The following HELQ variants were observed in gnomAD, a reference collection of about 807,000 sequenced individuals.
HELQ encodes helicase POLQ-like.
In HELQ, 77 loss-of-function variants were observed where a neutral mutation model predicts 111.6. The observed-to-expected ratio is 0.69, with a 90% CI of 0.57 to 0.83. The LOEUF is 0.83. Among genes scored for constraint, HELQ ranks in the 40% least tolerant of loss-of-function variants. The pLI, the probability that HELQ is intolerant of heterozygous loss-of-function variation, is 0.00. For missense variants in HELQ, 1,200 were observed against 1,288.5 expected (o/e 0.93, Z 1.05); for synonymous variants, 438 against 454.7 (o/e 0.96, Z 0.47).
chr4:83,424,162 A>G (rs1389846452), intron 14 of HELQ, among the ~76,000 whole-genome samples: 2 of 152,206 alleles, frequency 1.3e-5, no homozygotes, highest in Non-Finnish European at 2.9e-5. Context: ...ACTATATTAC[A>G]TTAAATGTAA....
chr4:83,450,882 C>T (rs967432368), intron 2 of HELQ, among the ~76,000 whole-genome samples: 7 of 152,096 alleles, frequency 4.6e-5, no homozygotes, highest in Admixed American at 3.3e-4. Flanking sequence ...GGGAGGATTG[C>T]TTGAGCCTGG....
intron 8 of HELQ, 97 bp from the exon 9 acceptor site, chr4:83,437,194 T>C: frequency 8.8e-7 from 1 of 1,140,958 alleles, no homozygotes; most frequent in Non-Finnish European, 1.3e-6. Flanking sequence ...AAACATTCTT[T>C]AATGTACTAT....
At chr4:83,416,287 C>T (rs935473128) in intron 17 of HELQ, among the ~76,000 whole-genome samples, 2 of 151,708 alleles carry the variant, frequency 1.3e-5, no homozygotes, top group African/African-American at 4.8e-5. Context: ...AATCTGTCAT[C>T]CTAGCTCAGT....
Position 83,436,868 on chromosome 4 carries a change from G to C in HELQ, c.2038C>G (p.Pro680Ala). ...TTACTTATCTCTTACCTTCGAGCTGGTAGGTTGACACCTGCCGCTAGGGTA... is the reference window on the plus strand; with the variant it reads ...TTACTTATCTCTTACCTTCGAGCTGCTAGGTTGACACCTGCCGCTAGGGTA... Reference protein sequence around the residue: ...TSTLAAGVNLPARRVILRAPY... With the variant: ...TSTLAAGVNLAARRVILRAPY... The change falls in exon 9 of 18, where the codon CCA becomes GCA. Residue 680 changes from proline to alanine, a missense_variant. Physicochemically the swap from Pro to Ala is conservative, Grantham distance 27 (BLOSUM62 -1). Coordinates refer to ENST00000295488, the MANE Select transcript of HELQ (RefSeq NM_133636.5). The C allele has an allele frequency of 6.2e-7, 1 of 1,613,336 alleles. No homozygotes were observed. The highest frequency in any genetic ancestry group is 8.5e-7 in the Non-Finnish European group (1 of 1,179,646).
At chr4:83,416,324 G>C (rs566359982) in intron 17 of HELQ, among the ~76,000 whole-genome samples, 5 of 151,818 alleles carry the variant, frequency 3.3e-5, no homozygotes, top group Admixed American at 6.6e-5. Context: ...GGGCTCAAGC[G>C]ATCCTCTTGC....
chr4:83,446,268 G>A (rs1391424448), intron 4 of HELQ, among the ~76,000 whole-genome samples, 182 bp from the exon 5 acceptor site: 1 of 151,996 alleles, frequency 6.6e-6, no homozygotes, highest in Non-Finnish European at 1.5e-5. Context: ...TGAGCTTTTG[G>A]TACAAAATCC....
intron 2 of HELQ, among the ~76,000 whole-genome samples, chr4:83,450,501 T>C (rs578210579): frequency 6.6e-6 from 1 of 152,116 alleles, no homozygotes; most frequent in Admixed American, 6.5e-5. Flanking sequence ...TTAAATTTAA[T>C]ATTCAATAAA....
intron 1 of HELQ, 135 bp from the exon 2 acceptor site, chr4:83,454,080 T>G: frequency 1.5e-6 from 1 of 652,698 alleles, no homozygotes; most frequent in Non-Finnish European, 2.7e-6. Context: ...GGCATGCTCC[T>G]GTAATCCCAG....
Position 83,446,791 on chromosome 4 carries a change from T to C in HELQ, c.1392+44A>G, listed in dbSNP as rs377129221. ...CACAATAACCAGAATAATAAATATT[T>C]AGTATAATAAAAATATTGACAAATT... is the stretch of plus-strand genomic sequence containing the variant. On this transcript the variant is annotated intron_variant, in intron 4 of 17. Transcript: ENST00000295488. 4.3e-6 allele frequency: 5 copies of C among 1,149,474 alleles called. No homozygotes were observed. The African/African-American group carries it at 7.8e-5, about 18-fold the overall frequency. 71.2% of individuals were successfully genotyped at this position (1,149,474 alleles called of 1,614,324 possible). A position where few individuals can be genotyped will look rare whatever the true frequency, so the allele number is the denominator to read the frequency against.
chr4:83,428,364 C>T (rs577416852), intron 12 of HELQ, among the ~76,000 whole-genome samples: 56 of 151,644 alleles, frequency 3.7e-4, no homozygotes, highest in Non-Finnish European at 6.6e-4. Flanking sequence ...AAAAAAGCCT[C>T]AGCCTGGGCA....
chr4:83,425,668 T>C (rs1230696611), intron 14 of HELQ, among the ~76,000 whole-genome samples: 1 of 152,188 alleles, frequency 6.6e-6, no homozygotes, highest in Non-Finnish European at 1.5e-5. Context: ...TGATACCAAA[T>C]AGAAAGCCTA....
chr4:83,444,909 G>A (rs1020091376), intron 5 of HELQ, among the ~76,000 whole-genome samples: 5 of 152,182 alleles, frequency 3.3e-5, no homozygotes, highest in South Asian at 4.1e-4. Context: ...TTCTTCTTGC[G>A]CTAAAGAAAG....
In HELQ at chr4:83,447,039, G is replaced by C. The variant is rs181099449; in HGVS notation, c.1192-4C>G. ...CAAAACTTGACAAACCTGAAATCTA[G>C]AATATTAGTTAAAATAAAGAAAAAT... On this transcript the variant is annotated splice_region_variant and splice_polypyrimidine_tract_variant and intron_variant, in intron 3 of 17. Transcript: ENST00000295488. 7.5e-4 allele frequency: 1,207 copies of C among 1,599,818 alleles called. 2 individuals are homozygous for C. Among genetic ancestry groups the C allele is most frequent in the Non-Finnish European group, 9.2e-4 (1,080 of 1,168,474 alleles).
chr4:83,454,165 T>G (rs181085015), intron 1 of HELQ, among the ~76,000 whole-genome samples: 50 of 152,198 alleles, frequency 3.3e-4, no homozygotes, highest in African/African-American at 9.9e-4. Flanking sequence ...ATCGCGCCAT[T>G]GCACTCCAAC....
chr4:83,435,401 A>G (rs1338163802), intron 9 of HELQ, among the ~76,000 whole-genome samples: 1 of 152,198 alleles, frequency 6.6e-6, no homozygotes, highest in African/African-American at 2.4e-5. Context: ...TCTAGAAAAT[A>G]TGGAACAATA....
At chr4:83,453,060 G>A (rs1721484176) in intron 2 of HELQ, 171 bp downstream of exon 2, 1 of 547,682 alleles carries the variant, frequency 1.8e-6, no homozygotes. Context: ...GAAGGAAAGA[G>A]GTTCAGTGGT....
intron 8 of HELQ, among the ~76,000 whole-genome samples, chr4:83,438,137 A>G (rs1720560495): frequency 6.6e-6 from 1 of 152,216 alleles, no homozygotes; most frequent in Admixed American, 6.5e-5. Flanking sequence ...TCTATCTTAG[A>G]CCAATCCATG....
At chr4:83,423,836 G>C (rs923016188) in intron 14 of HELQ, among the ~76,000 whole-genome samples, 1 of 152,038 alleles carries the variant, frequency 6.6e-6, no homozygotes, top group African/African-American at 2.4e-5. Flanking sequence ...ACTTGAACTT[G>C]GGAGGCGGAG....
intron 7 of HELQ, among the ~76,000 whole-genome samples, chr4:83,440,339 CA>C (rs944523048): frequency 1.3e-5 from 2 of 151,966 alleles, no homozygotes; most frequent in Admixed American, 6.6e-5. Context: ...CACAGCAGAA[CA>C]AAAAAGTCCA....
Sources: gnomAD v4.1 joint callset for allele counts (sites outside exome capture counted in the v4.1 genomes callset) on GRCh38, gnomAD v4.1.1 for gene constraint, MANE v1.5 for transcripts, NCBI Gene and HGNC (gene_info 2026-07-23, HGNC 2026-07-21) for gene names.